Variants in LRMDA observed in about 807,000 individuals in gnomAD.
LRMDA encodes leucine-rich melanocyte differentiation-associated protein.
Under a neutral mutation model 29.8 loss-of-function variants are expected in LRMDA, and 18 were observed. The observed-to-expected ratio is 0.60, with a 90% CI of 0.42 to 0.90. The LOEUF is 0.90. LRMDA is among the 40% of genes least tolerant of loss of function. LRMDA has a pLI of 0.00. For missense variants in LRMDA, 273 were observed against 273.9 expected (o/e 1.00, Z 0.02); for synonymous variants, 125 against 109.4 (o/e 1.14, Z -0.89).
chr10:76,149,334 G>A (rs924394282), intron 5 of LRMDA, among the ~76,000 whole-genome samples: 13 of 152,232 alleles, frequency 8.5e-5, no homozygotes, highest in Non-Finnish European at 1.5e-4. Flanking sequence ...AAAAGCCTTG[G>A]TCTTGAATCA....
chr10:76,370,695 C>T (rs192265622), intron 6 of LRMDA, among the ~76,000 whole-genome samples: 77 of 151,786 alleles, frequency 5.1e-4, no homozygotes, highest in South Asian at 1.7e-3. Context: ...AATCTCTTAC[C>T]GTGCCTAATT....
chr10:75,759,486 A>G (rs1205515944), intron 2 of LRMDA, among the ~76,000 whole-genome samples: 1 of 152,200 alleles, frequency 6.6e-6, no homozygotes, highest in Non-Finnish European at 1.5e-5. Context: ...ATTAATTTAG[A>G]AAGTTAGGAA....
At chr10:76,554,471 C>T (rs180941171) in intron 6 of LRMDA, among the ~76,000 whole-genome samples, 1 of 152,308 alleles carries the variant, frequency 6.6e-6, no homozygotes, top group African/African-American at 2.4e-5. Flanking sequence ...TATCTGTTTT[C>T]CTGTCAAGAG....
At chr10:76,006,350 G>A (rs1282031754) in intron 2 of LRMDA, among the ~76,000 whole-genome samples, 1 of 152,174 alleles carries the variant, frequency 6.6e-6, no homozygotes, top group East Asian at 1.9e-4. Flanking sequence ...AAGGCTCTGG[G>A]TGACTCTGCC....
intron 2 of LRMDA, among the ~76,000 whole-genome samples, chr10:75,635,234 C>T (rs1381048705): frequency 6.6e-6 from 1 of 152,116 alleles, no homozygotes; most frequent in Non-Finnish European, 1.5e-5. Context: ...CCTCAGCTGT[C>T]TTTAAGGAAC....
At chr10:75,645,049 C>G (rs1035453432) in intron 2 of LRMDA, among the ~76,000 whole-genome samples, 4 of 151,088 alleles carry the variant, frequency 2.6e-5, no homozygotes, top group Non-Finnish European at 5.9e-5. Context: ...ATGGCACGAT[C>G]TCAGCTCACT....
intron 6 of LRMDA, among the ~76,000 whole-genome samples, chr10:76,511,376 A>G (rs1287026073): frequency 6.6e-6 from 1 of 151,342 alleles, no homozygotes; most frequent in Non-Finnish European, 1.5e-5. Context: ...ATTTTTTTTT[A>G]ATTGGCTTGC....
At chr10:76,403,945 C>A (rs1411059896) in intron 6 of LRMDA, among the ~76,000 whole-genome samples, 1 of 152,080 alleles carries the variant, frequency 6.6e-6, no homozygotes, top group Admixed American at 6.6e-5. Flanking sequence ...CAATGGTGCC[C>A]GCTCTCCACT....
At chr10:75,493,348 GGTGTGTGTGTGTGT>G (rs3220724) in intron 2 of LRMDA, among the ~76,000 whole-genome samples, 38 of 133,352 alleles carry the variant, frequency 2.8e-4, no homozygotes, top group African/African-American at 9.8e-4. Context: ...GTTGAGATTG[GGTGTGTGTGTGTGT>G]GTGTGTGTGT....
intron 6 of LRMDA, among the ~76,000 whole-genome samples, chr10:76,476,540 A>G (rs994665485): frequency 1.8e-4 from 27 of 152,294 alleles, no homozygotes; most frequent in Admixed American, 1.6e-3. Flanking sequence ...ATCCTCACTA[A>G]CTCATTTTAT....
At chr10:75,734,223 A>T (rs1400601300) in intron 2 of LRMDA, among the ~76,000 whole-genome samples, 2 of 152,202 alleles carry the variant, frequency 1.3e-5, no homozygotes, top group African/African-American at 4.8e-5. Flanking sequence ...CAAGAAAAAA[A>T]TTAAACAATA....
intron 5 of LRMDA, among the ~76,000 whole-genome samples, chr10:76,171,037 A>T (rs1850826058): frequency 6.6e-6 from 1 of 152,236 alleles, no homozygotes; most frequent in African/African-American, 2.4e-5. Flanking sequence ...TGTCTCATAG[A>T]TGGATGTGCA....
intron 6 of LRMDA, among the ~76,000 whole-genome samples, chr10:76,537,496 T>C (rs1365698150): frequency 1.3e-5 from 2 of 152,226 alleles, no homozygotes; most frequent in East Asian, 3.9e-4. Context: ...TACTTCTTTC[T>C]GGAGGCCCAA....
chr10:76,025,869 G>A (rs1049784214), intron 2 of LRMDA, among the ~76,000 whole-genome samples: 1 of 152,164 alleles, frequency 6.6e-6, no homozygotes, highest in Non-Finnish European at 1.5e-5. Flanking sequence ...CTGCTTCCCT[G>A]TCTATACCTA....
At chr10:76,008,640 C>T (rs1486334434) in intron 2 of LRMDA, among the ~76,000 whole-genome samples, 1 of 152,250 alleles carries the variant, frequency 6.6e-6, no homozygotes, top group African/African-American at 2.4e-5. Context: ...TGGCTGTCCA[C>T]ACTGCAGTCC....
intron 2 of LRMDA, among the ~76,000 whole-genome samples, chr10:75,728,427 TG>T (rs1842656036): frequency 9.4e-5 from 2 of 21,192 alleles, no homozygotes; most frequent in Admixed American, 6.1e-4. Context: ...TACGTGGCTC[TG>T]TGTGTGTGTG....
chr10:75,889,333 T>C (rs941074529), intron 2 of LRMDA, among the ~76,000 whole-genome samples: 1 of 152,228 alleles, frequency 6.6e-6, no homozygotes, highest in Non-Finnish European at 1.5e-5. Context: ...ATCTTTCCTT[T>C]CACAAGGAAA....
chr10:76,527,435 T>C (rs1326440656), intron 6 of LRMDA, among the ~76,000 whole-genome samples: 3 of 152,210 alleles, frequency 2.0e-5, no homozygotes, highest in African/African-American at 7.2e-5. Context: ...GATTGAACTT[T>C]TGGAGACCAG....
chr10:76,141,524 T>G (rs1012099040), intron 5 of LRMDA, among the ~76,000 whole-genome samples: 1 of 152,170 alleles, frequency 6.6e-6, no homozygotes, highest in Non-Finnish European at 1.5e-5. Flanking sequence ...TTTGTACACC[T>G]AAGTAGGTTA....
Sources: gnomAD v4.1 joint callset for allele counts (sites outside exome capture counted in the v4.1 genomes callset) on GRCh38, gnomAD v4.1.1 for gene constraint, MANE v1.5 for transcripts, NCBI Gene and HGNC (gene_info 2026-07-23, HGNC 2026-07-21) for gene names.